The following SARNP variants were observed in gnomAD, a reference collection of about 807,000 sequenced individuals.
SARNP encodes SAP domain containing ribonucleoprotein.
In SARNP, 5 loss-of-function variants were observed where a neutral mutation model predicts 38.1. The observed-to-expected ratio is 0.13, with a 90% confidence interval of 0.07 to 0.28. The LOEUF (loss-of-function observed/expected upper bound fraction) is 0.28. Ranked by LOEUF, SARNP falls within the 10% of genes least tolerant of loss-of-function variation. The probability of loss-of-function intolerance (pLI) is 1.00; values close to 1 mark genes in which losing one functional copy is unlikely to be tolerated. For missense variants in SARNP, 180 were observed against 243.9 expected, an observed-to-expected ratio of 0.74 and a Z score of 1.75; for synonymous variants, 84 against 80.6, an observed-to-expected ratio of 1.04 and a Z score of -0.23.
In SARNP at chr12:55,768,195, G is replaced by A. The variant is rs116772181; in HGVS notation, c.502-7555C>T. Among the ~76,000 whole-genome samples, 507 of 152,126 alleles carry A rather than the reference G, an allele frequency of 3.3e-3. 4 individuals carry two copies. The highest frequency in any genetic ancestry group is 0.011 in the African/African-American group (469 of 41,496). On this transcript the variant is annotated intron_variant, in intron 9 of 10. Transcript: ENST00000336133. Reference sequence around the variant, plus strand: ...GGCTGGAGCGCAAAGGCGTGACATCGGCTCACTGCAACCTCCGCCTCCCGG... The same window carrying A: ...GGCTGGAGCGCAAAGGCGTGACATCAGCTCACTGCAACCTCCGCCTCCCGG...
chr12:55,757,968 A>G (rs1374855764), intron 10 of SARNP, among the ~76,000 whole-genome samples: 1 of 152,202 alleles, frequency 6.6e-6, no homozygotes, highest in Non-Finnish European at 1.5e-5. Context: ...AACCAATGCT[A>G]TTCATAGAGG....
intron 6 of SARNP, 50 bp from the exon 7 acceptor site, chr12:55,794,437 G>T: frequency 1.9e-6 from 3 of 1,540,966 alleles, no homozygotes; most frequent in Non-Finnish European, 2.7e-6. Flanking sequence ...CACACTCCTG[G>T]TTTGTCTGTC....
At chr12:55,777,128 A>C (rs1198318859) in intron 9 of SARNP, among the ~76,000 whole-genome samples, 1 of 152,202 alleles carries the variant, frequency 6.6e-6, no homozygotes, top group African/African-American at 2.4e-5. Context: ...TTCTTACTAC[A>C]AATTTCTTTA....
intron 9 of SARNP, among the ~76,000 whole-genome samples, chr12:55,781,559 A>AACAAAT (rs1187074570): frequency 6.6e-6 from 1 of 151,890 alleles, no homozygotes; most frequent in Non-Finnish European, 1.5e-5. Context: ...CAAAAACAAA[A>AACAAAT]ACAAACAGAC....
In SARNP at chr12:55,800,429, A is replaced by G. The variant is rs758977601; in HGVS notation, c.251+133T>C. 3.8e-5 allele frequency: 24 copies of G among 634,720 alleles called. No individual in the cohort carries two copies. In the Admixed American group the frequency reaches 4.3e-4, roughly 11 times the overall value. The allele number at this position is 634,720 out of a possible 1,614,324, so 39.3% of individuals were successfully genotyped here. A position where few individuals can be genotyped will look rare whatever the true frequency, so the allele number is the denominator to read the frequency against. On this transcript the variant is annotated intron_variant, in intron 4 of 10. Coordinates refer to ENST00000336133, the MANE Select transcript of SARNP (RefSeq NM_033082.4). ...GTACTTTGAAGTAGTCCCTTCTAAA[A>G]AACAAAAAAATGACCTAATCAGAAA...
intron 9 of SARNP, among the ~76,000 whole-genome samples, chr12:55,779,498 C>T (rs1009477505): frequency 2.0e-5 from 3 of 152,208 alleles, no homozygotes; most frequent in African/African-American, 4.8e-5. Flanking sequence ...ACTCTGGAAA[C>T]TAATTCTTCT....
intron 6 of SARNP, 44 bp from the exon 7 acceptor site, chr12:55,794,431 C>T (rs190967804): frequency 1.3e-6 from 2 of 1,572,952 alleles, no homozygotes; most frequent in East Asian, 2.2e-5. Context: ...GCTGTTCACA[C>T]TCCTGGTTTG....
chr12:55,805,453 T>A (rs1326686727), intron 1 of SARNP, among the ~76,000 whole-genome samples: 2 of 152,202 alleles, frequency 1.3e-5, no homozygotes, highest in Non-Finnish European at 2.9e-5. Flanking sequence ...GGCTCACGCC[T>A]GTTATCCCAG....
downstream of SARNP, chr12:55,755,758 C>T (rs1253522146): frequency 6.6e-6 from 1 of 150,428 alleles, no homozygotes; most frequent in African/African-American, 2.5e-5. Flanking sequence ...AACATAGGAA[C>T]AGCTGCTGAA....
rs568463079 is a variant in SARNP at position 55,757,644 on chromosome 12, T to C, written c.592-91A>G. On this transcript the variant is annotated intron_variant, in intron 10 of 10. Transcript: ENST00000336133. ...CTTTAATCCAAACTCACATGAACTG[T>C]CACAAGGCCCGAGAAGGAAGGATGG... The C allele has an allele frequency of 5.2e-4, 500 of 958,326 alleles. 4 individuals carry two copies. The South Asian group carries it at 7.7e-3, about 15-fold the overall frequency. The allele number at this position is 958,326 out of a possible 1,614,324, so 59.4% of individuals were successfully genotyped here.
chr12:55,775,169 G>A (rs1024316537), intron 9 of SARNP, among the ~76,000 whole-genome samples: 48 of 148,522 alleles, frequency 3.2e-4, no homozygotes, highest in African/African-American at 1.1e-3. Context: ...TTACAGGTGC[G>A]AGCCACCACG....
At chr12:55,804,329 T>C (rs1592579991) in intron 1 of SARNP, among the ~76,000 whole-genome samples, 1 of 151,810 alleles carries the variant, frequency 6.6e-6, no homozygotes, top group Non-Finnish European at 1.5e-5. Context: ...ATATAAAAGC[T>C]ATGTTCATCA....
intron 9 of SARNP, among the ~76,000 whole-genome samples, chr12:55,766,506 G>T (rs938402332): frequency 2.0e-5 from 3 of 150,028 alleles, no homozygotes; most frequent in Admixed American, 6.7e-5. Context: ...TGTCTTGTTC[G>T]CTTTCCTTAA....
chr12:55,808,054 T>C (rs962222397), intron 1 of SARNP, among the ~76,000 whole-genome samples: 1 of 152,218 alleles, frequency 6.6e-6, no homozygotes, highest in Non-Finnish European at 1.5e-5. Context: ...ACATATATCA[T>C]TTGTAGTGAG....
At chr12:55,791,799 T>C (rs1261435851) in intron 7 of SARNP, among the ~76,000 whole-genome samples, 2 of 152,220 alleles carry the variant, frequency 1.3e-5, no homozygotes, top group African/African-American at 4.8e-5. Context: ...AATTATTTAC[T>C]TCAAACTTTT....
At chr12:55,763,975 A>G (rs1304728627) in intron 9 of SARNP, among the ~76,000 whole-genome samples, 1 of 152,208 alleles carries the variant, frequency 6.6e-6, no homozygotes, top group African/African-American at 2.4e-5. Context: ...CAGTAGGACA[A>G]TTAAGTGCTT....
At chr12:55,789,589 C>T (rs576320879) in intron 8 of SARNP, among the ~76,000 whole-genome samples, 17 of 152,168 alleles carry the variant, frequency 1.1e-4, no homozygotes, top group Non-Finnish European at 2.4e-4. Flanking sequence ...TACTACCCAA[C>T]TCGATTCTCT....
chr12:55,771,300 A>G (rs921679618), intron 9 of SARNP, among the ~76,000 whole-genome samples: 3 of 152,176 alleles, frequency 2.0e-5, no homozygotes, highest in African/African-American at 7.2e-5. Context: ...CGGATCATAT[A>G]AAAAGAAACT....
chr12:55,790,746 C>T (rs924057202), intron 7 of SARNP, among the ~76,000 whole-genome samples, 154 bp from the exon 8 acceptor site: 21 of 152,186 alleles, frequency 1.4e-4, no homozygotes, highest in Middle Eastern at 3.2e-3. Flanking sequence ...GCATTCACTG[C>T]TAGCAGGAAC....
Sources: gnomAD v4.1 joint callset for allele counts (sites outside exome capture counted in the v4.1 genomes callset) on GRCh38, gnomAD v4.1.1 for gene constraint, MANE v1.5 for transcripts, NCBI Gene and HGNC (gene_info 2026-07-23, HGNC 2026-07-21) for gene names.